The following ADCY9 variants were observed in gnomAD, a reference collection of about 807,000 sequenced individuals.
ADCY9 encodes adenylate cyclase type 9.
In ADCY9, 50 loss-of-function variants were observed where a neutral mutation model predicts 101.5. The ratio of observed to expected loss-of-function variants is 0.49; its 90% CI spans 0.39 to 0.62. ADCY9 has a LOEUF of 0.62. Among genes scored for constraint, ADCY9 ranks in the 20% least tolerant of loss-of-function variants. The pLI is 0.00. For missense variants in ADCY9, 1,662 were observed against 1,800.4 expected (o/e 0.92, Z 1.39); for synonymous variants, 905 against 769.3 (o/e 1.18, Z -2.92).
At position 4,007,438 on chromosome 16, in the gene ADCY9, C is replaced by G; in HGVS notation, c.1814G>C (p.Gly605Ala). Reference protein sequence around the residue: ...DGSQVSSGPRGQGTASSGNVS... With the variant: ...DGSQVSSGPRAQGTASSGNVS... ...ATTCCCTGATGACGCTGTCCCCTGT[C>G]CCCTAGGGCCTGAGGACACCTGTGA... Residue 605 changes from glycine to alanine, a missense_variant, in exon 3 of 11, where the codon GGA becomes GCA. Physicochemically the swap from Gly to Ala is moderately conservative, Grantham distance 60 (BLOSUM62 0). This residue lies in a region of ADCY9 where 624 missense variants were observed against 639.1 expected (regional missense o/e 0.98). Coordinates refer to ENST00000294016, the MANE Select transcript of ADCY9 (RefSeq NM_001116.4). 6.2e-7 allele frequency: 1 copy of G among 1,614,056 alleles called. No individual in the cohort carries two copies. Among genetic ancestry groups the G allele is most frequent in the South Asian group, 1.1e-5 (1 of 91,066 alleles).
chr16:4,075,479 T>G (rs2056861122), intron 2 of ADCY9, among the ~76,000 whole-genome samples: 1 of 152,162 alleles, frequency 6.6e-6, no homozygotes, highest in Admixed American at 6.5e-5. Flanking sequence ...ACCACTAAAT[T>G]AATTTTTTAA....
intron 6 of ADCY9, among the ~76,000 whole-genome samples, chr16:3,987,005 C>A (rs2056198847): frequency 1.3e-5 from 2 of 152,370 alleles, no homozygotes; most frequent in South Asian, 2.1e-4. Context: ...TCCTGCCCCA[C>A]CCTGCCCCGG....
chr16:4,004,847 A>C (rs1240196865), intron 3 of ADCY9, among the ~76,000 whole-genome samples: 1 of 152,194 alleles, frequency 6.6e-6, no homozygotes, highest in Non-Finnish European at 1.5e-5. Flanking sequence ...TGCAGACAGG[A>C]GTTCAGGGGA....
At chr16:4,101,674 C>G (rs771963319) in intron 2 of ADCY9, among the ~76,000 whole-genome samples, 3 of 152,158 alleles carry the variant, frequency 2.0e-5, no homozygotes, top group Non-Finnish European at 4.4e-5. Flanking sequence ...TAGTCCTCGC[C>G]TTGCCAATGG....
At chr16:3,983,542 C>T in intron 6 of ADCY9, 102 bp from the exon 7 acceptor site, 1 of 990,908 alleles carries the variant, frequency 1.0e-6, no homozygotes, top group Non-Finnish European at 1.5e-6. Context: ...CACTGCTGCT[C>T]TGGGCCAGGC....
At chr16:3,993,653 G>T in intron 3 of ADCY9, 143 bp from the exon 4 acceptor site, 3 of 1,037,248 alleles carry the variant, frequency 2.9e-6, no homozygotes, top group Non-Finnish European at 4.2e-6. Flanking sequence ...TCGGGGATGA[G>T]CTGAAAGCCA....
In ADCY9 at chr16:3,992,872, A is replaced by C. The variant is rs1431165125; in HGVS notation, c.1990-509T>G. ...ACCTGCACCTGCAATCCTTTGGCAG[A>C]TGGAGAGCAGATGGAGGACGAGAGC... On this transcript the variant is annotated intron_variant, in intron 4 of 10. Transcript: ENST00000294016. The surrounding 1 kb of genome is among the most constrained non-coding windows in gnomAD (Gnocchi z 4.2). Among the ~76,000 whole-genome samples, 1 of 152,068 alleles carries C rather than the reference A, an allele frequency of 6.6e-6. No homozygotes were observed. Among genetic ancestry groups the C allele is most frequent in the Non-Finnish European group, 1.5e-5 (1 of 68,002 alleles).
chr16:3,987,472 C>A (rs138768751), intron 6 of ADCY9, among the ~76,000 whole-genome samples: 1 of 152,238 alleles, frequency 6.6e-6, no homozygotes, highest in African/African-American at 2.4e-5. Context: ...CCTGTTCAGC[C>A]TTGCTCAGCG....
intron 2 of ADCY9, among the ~76,000 whole-genome samples, chr16:4,034,224 G>C (rs10221058): frequency 0.025 from 3,827 of 152,234 alleles, 169 homozygotes; most frequent in African/African-American, 0.087. Context: ...CTTAGCCAAG[G>C]TGACGCAAAA....
chr16:4,061,543 C>A (rs1423819255), intron 2 of ADCY9, among the ~76,000 whole-genome samples: 1 of 152,010 alleles, frequency 6.6e-6, no homozygotes, highest in Non-Finnish European at 1.5e-5. Flanking sequence ...TAACAGAGAC[C>A]AGAAAACAGT....
rs1036326473 is a variant in ADCY9, at chr16:3,992,891, C to T, written c.1989+515G>A. ...TGGCAGATGGAGAGCAGATGGAGGACGAGAGCCCGCGCCCCAGGTGAGTCG... is the reference window on the plus strand; with the variant it reads ...TGGCAGATGGAGAGCAGATGGAGGATGAGAGCCCGCGCCCCAGGTGAGTCG... On this transcript the variant is annotated intron_variant, in intron 4 of 10. Transcript: ENST00000294016. The surrounding 1 kb of genome is among the most constrained non-coding windows in gnomAD (Gnocchi z 4.2). Among the ~76,000 whole-genome samples, 5 of 152,012 alleles carry T rather than the reference C, an allele frequency of 3.3e-5. No individual in the cohort carries two copies. Among genetic ancestry groups the T allele is most frequent in the Non-Finnish European group, 7.4e-5 (5 of 68,004 alleles).
chr16:3,997,745 T>C (rs2601804), intron 3 of ADCY9, among the ~76,000 whole-genome samples: 91,833 of 152,038 alleles, frequency 0.6, 28,274 homozygotes, highest in African/African-American at 0.72. Context: ...GGTGGCATGG[T>C]CCCACAGACC....
rs776708626 is a variant in ADCY9 at position 3,963,667 on chromosome 16, T to A, written c.*2108A>T. 4 of 272,446 alleles carry A rather than the reference T, an allele frequency of 1.5e-5. No homozygotes were observed. Among genetic ancestry groups the A allele is most frequent in the Non-Finnish European group, 2.7e-5 (4 of 146,106 alleles). The allele number at this position is 272,446 out of a possible 1,614,324, so 16.9% of individuals were successfully genotyped here. ...TGTGCGGAGAACTTTGCGGAGCATG[T>A]TCTGAGCGAGACAGCAAGGTCGTGA... On this transcript the variant is annotated 3_prime_UTR_variant, in exon 11 of 11. Coordinates refer to ENST00000294016, the MANE Select transcript of ADCY9 (RefSeq NM_001116.4).
chr16:3,989,148 C>A, intron 5 of ADCY9, 52 bp from the exon 6 acceptor site: 1 of 1,320,034 alleles, frequency 7.6e-7, no homozygotes, highest in South Asian at 1.2e-5. Context: ...ATAACTGTGC[C>A]AATGTTTTCA....
At chr16:4,035,674 C>G (rs11865449) in intron 2 of ADCY9, among the ~76,000 whole-genome samples, 1 of 152,064 alleles carries the variant, frequency 6.6e-6, no homozygotes, top group Non-Finnish European at 1.5e-5. Flanking sequence ...GTTTCATGCT[C>G]GACCTCCAGC....
chr16:3,968,613 C>T (rs2056019999), intron 10 of ADCY9, among the ~76,000 whole-genome samples: 1 of 152,188 alleles, frequency 6.6e-6, no homozygotes, highest in Admixed American at 6.6e-5. Context: ...ATTATTTTCT[C>T]ATGGCTGTGC....
chr16:4,021,754 C>T (rs946733001), intron 2 of ADCY9, among the ~76,000 whole-genome samples: 3 of 152,158 alleles, frequency 2.0e-5, no homozygotes, highest in Non-Finnish European at 1.5e-5. Flanking sequence ...GTTTTTACTG[C>T]GCTTCACACG....
In ADCY9 at chr16:4,096,669, C is replaced by T. The variant is rs553436588; in HGVS notation, c.1693+17081G>A. On this transcript the variant is annotated intron_variant, in intron 2 of 10. Coordinates refer to ENST00000294016, the MANE Select transcript of ADCY9 (RefSeq NM_001116.4). ...CTTTAAATAGTAACACAATAGGGTA[C>T]GAACTAACTGAATCAACATGCAATA... Among the ~76,000 whole-genome samples the T allele has an allele frequency of 3.9e-5, 6 of 152,250 alleles. 1 individual carries two copies. Among genetic ancestry groups the T allele is most frequent in the African/African-American group, 9.6e-5 (4 of 41,548 alleles).
At chr16:4,065,958 C>A (rs997799177) in intron 2 of ADCY9, among the ~76,000 whole-genome samples, 5 of 152,256 alleles carry the variant, frequency 3.3e-5, no homozygotes, top group Non-Finnish European at 7.3e-5. Flanking sequence ...CCCGCCTTGG[C>A]CTCCCAAAGT....
Sources: allele counts gnomAD v4.1 joint callset (sites outside exome capture counted in the v4.1 genomes callset), GRCh38; gene constraint gnomAD v4.1.1; regional missense constraint gnomAD v4.1.1; non-coding constraint Gnocchi (gnomAD v3.1); transcripts MANE v1.5; gene names NCBI Gene and HGNC (gene_info 2026-07-23, HGNC 2026-07-21).